The following GLIS3 variants were observed in gnomAD, a reference collection of about 807,000 sequenced individuals.
GLIS3 encodes GLIS family zinc finger 3.
GLIS3 carries 53 observed loss-of-function variants against 78.6 expected under a neutral mutation model. The observed-to-expected ratio is 0.67, with a 90% confidence interval of 0.54 to 0.85. The LOEUF (loss-of-function observed/expected upper bound fraction) is 0.85, where lower values mean the gene tolerates loss of function less well. GLIS3 is among the 40% of genes least tolerant of loss of function. The pLI, the probability that GLIS3 is intolerant of heterozygous loss-of-function variation, is 0.00. For synonymous variants in GLIS3, 684 were observed against 509.9 expected (o/e 1.34, Z -4.60); for missense variants, 1,703 against 1,231.1 (o/e 1.38, Z -5.74).
At chr9:4,123,990 C>G in intron 3 of GLIS3, 1 of 389,270 alleles carries the variant, frequency 2.6e-6, no homozygotes, top group East Asian at 3.6e-5. Flanking sequence ...AAACGCTAAG[C>G]TGATTCTCTC....
chr9:4,251,491 G>C (rs79294759), intron 2 of GLIS3, among the ~76,000 whole-genome samples: 1 of 147,028 alleles, frequency 6.8e-6, no homozygotes, highest in Non-Finnish European at 1.5e-5. Flanking sequence ...TTTATTTTGA[G>C]CCTATGTGTG....
intron 4 of GLIS3, among the ~76,000 whole-genome samples, chr9:4,009,989 A>G (rs1821867393): frequency 6.6e-6 from 1 of 152,122 alleles, no homozygotes; most frequent in African/African-American, 2.4e-5. Context: ...TGGGGTCTCT[A>G]CGTCAGCACT....
rs554328041 is a variant in GLIS3, at chr9:4,330,771, T to G, written n.264+16310A>C. The stretch of plus-strand genomic sequence containing the variant: ...GTGGGAGCCCACTGAGAAGAGGGAC[T>G]GGACTCAGGAGATAACTTAGAAAAA... On this transcript the variant is annotated intron_variant and non_coding_transcript_variant, in intron 2 of 4. Coordinates refer to the GLIS3 transcript ENST00000471664. Among the ~76,000 whole-genome samples the G allele has an allele frequency of 2.6e-5, 4 of 152,126 alleles. No homozygotes were observed. The East Asian group carries it at 5.8e-4, about 22-fold the overall frequency.
At chr9:4,416,624 G>T in the GLIS3 span, among the ~76,000 whole-genome samples, 2 of 151,948 alleles carry the variant, frequency 1.3e-5, no homozygotes, top group African/African-American at 4.8e-5. Flanking sequence ...GTTACAAAGT[G>T]ACTCCAAGAC....
chr9:4,398,957 G>A, the GLIS3 span, among the ~76,000 whole-genome samples: 2 of 152,150 alleles, frequency 1.3e-5, no homozygotes, highest in African/African-American at 4.8e-5. Flanking sequence ...AAAGTGCTAG[G>A]ATTACAGGCG....
intron 6 of GLIS3, among the ~76,000 whole-genome samples, chr9:3,926,085 T>G (rs1825205551): frequency 6.6e-6 from 1 of 152,184 alleles, no homozygotes; most frequent in African/African-American, 2.4e-5. Flanking sequence ...CCATCTCCGT[T>G]AAGGAGGACA....
intron 4 of GLIS3, among the ~76,000 whole-genome samples, chr9:4,065,966 T>C (rs2130597631): frequency 6.7e-6 from 1 of 149,244 alleles, no homozygotes; most frequent in Admixed American, 6.8e-5. Flanking sequence ...GACTTCCTGG[T>C]GAAAAGGTGG....
chr9:4,369,937 A>T, the GLIS3 span, among the ~76,000 whole-genome samples: 1 of 152,212 alleles, frequency 6.6e-6, no homozygotes, highest in Non-Finnish European at 1.5e-5. Flanking sequence ...CATGCCCATA[A>T]TCCCAGCATT....
At chr9:4,062,928 C>CAAA (rs879931011) in intron 4 of GLIS3, among the ~76,000 whole-genome samples, 2 of 127,530 alleles carry the variant, frequency 1.6e-5, no homozygotes, top group Non-Finnish European at 1.7e-5. Context: ...GACTCCATTT[C>CAAA]AAAAAAAAAA....
chr9:4,196,064 G>A (rs1178828122), intron 2 of GLIS3, among the ~76,000 whole-genome samples: 3 of 151,986 alleles, frequency 2.0e-5, no homozygotes, highest in Non-Finnish European at 4.4e-5. Context: ...AAAGGATTGT[G>A]AATGGACCAA....
At chr9:4,088,511 T>C (rs968399044) in intron 4 of GLIS3, among the ~76,000 whole-genome samples, 10 of 152,256 alleles carry the variant, frequency 6.6e-5, no homozygotes, top group African/African-American at 2.4e-4. Context: ...TAATCTTGTG[T>C]CTGTCCTTAA....
At chr9:4,455,696 G>T in the GLIS3 span, among the ~76,000 whole-genome samples, 1 of 152,122 alleles carries the variant, frequency 6.6e-6, no homozygotes, top group Admixed American at 6.6e-5. Flanking sequence ...ATAATGTGTT[G>T]ATTGTTTCTT....
chr9:4,229,635 T>C (rs147604415), intron 2 of GLIS3, among the ~76,000 whole-genome samples: 69 of 152,382 alleles, frequency 4.5e-4, no homozygotes, highest in Non-Finnish European at 8.2e-4. Flanking sequence ...TTTCCAGTTT[T>C]ATTAACATTT....
chr9:4,235,143 A>T (rs181542725), intron 2 of GLIS3, among the ~76,000 whole-genome samples: 429 of 151,948 alleles, frequency 2.8e-3, no homozygotes, highest in African/African-American at 8.9e-3. Context: ...CTAAAAATTT[A>T]AAAAAAATCG....
intron 2 of GLIS3, among the ~76,000 whole-genome samples, chr9:4,192,375 A>G (rs1190875083): frequency 6.6e-6 from 1 of 152,228 alleles, no homozygotes. Context: ...GCCTCAAATA[A>G]TATTTTTGTG....
At chr9:3,944,184 T>A (rs1394734225) in intron 4 of GLIS3, among the ~76,000 whole-genome samples, 2 of 151,954 alleles carry the variant, frequency 1.3e-5, no homozygotes, top group Non-Finnish European at 2.9e-5. Flanking sequence ...GCTTAAAAAA[T>A]GAAAATGAAA....
intron 9 of GLIS3, among the ~76,000 whole-genome samples, chr9:3,841,397 A>G (rs1043290607): frequency 6.6e-6 from 1 of 152,224 alleles, no homozygotes; most frequent in African/African-American, 2.4e-5. Flanking sequence ...GCCATGTACT[A>G]GCTGTGTGGC....
intron 2 of GLIS3, among the ~76,000 whole-genome samples, chr9:4,161,091 A>G (rs1027051564): frequency 4.0e-5 from 6 of 151,158 alleles, no homozygotes; most frequent in African/African-American, 7.3e-5. Flanking sequence ...AAAAAAAAAA[A>G]AAAAGAAAGA....
At chr9:3,941,317 C>G (rs115266318) in intron 4 of GLIS3, among the ~76,000 whole-genome samples, 1,572 of 152,246 alleles carry the variant, frequency 0.01, 33 homozygotes, top group African/African-American at 0.036. Flanking sequence ...GACTCTCCAT[C>G]TCTTACTGGA....
Sources: allele counts gnomAD v4.1 joint callset (sites outside exome capture counted in the v4.1 genomes callset), GRCh38; gene constraint gnomAD v4.1.1; transcripts MANE v1.5; gene names NCBI Gene and HGNC (gene_info 2026-07-23, HGNC 2026-07-21).